Variants in PCGF5 observed in about 807,000 individuals in gnomAD.
The protein encoded by PCGF5 is polycomb group RING finger protein 5.
PCGF5 carries 9 observed loss-of-function variants against 44.3 expected under a neutral mutation model. That is an observed-to-expected ratio of 0.20 (90% CI 0.12 to 0.35). The LOEUF (loss-of-function observed/expected upper bound fraction) is 0.35, where lower values mean the gene tolerates loss of function less well. Ranked by LOEUF, PCGF5 falls within the 10% of genes least tolerant of loss-of-function variation. The pLI is 1.00. For missense variants in PCGF5, 146 were observed against 305.3 expected (o/e 0.48, Z 3.89); for synonymous variants, 95 against 102.5 (o/e 0.93, Z 0.44).
rs77229469 is a variant in PCGF5, at chr10:91,227,587, C to T, written c.112+4604C>T. On this transcript the variant is annotated intron_variant, in intron 2 of 9. Transcript: ENST00000336126. ...TCATTCAGATTCTTATTACATCTCA[C>T]CAAAGCCACTGCAGCACATTCTTAA... is the stretch of plus-strand genomic sequence containing the variant. 2,869 of 1,173,110 alleles carry T rather than the reference C, an allele frequency of 2.4e-3. 68 individuals are homozygous for T. The African/African-American group carries it at 0.042, about 17-fold the overall frequency. The allele number at this position is 1,173,110 out of a possible 1,614,324, so 72.7% of individuals were successfully genotyped here.
Position 91,197,884 on chromosome 10 carries a change from C to G in PCGF5, c.-183-24805C>G, listed in dbSNP as rs138729652. 4.3e-3 allele frequency among the ~76,000 whole-genome samples: 659 copies of G among 152,266 alleles called. 7 individuals are homozygous for G. Among genetic ancestry groups the G allele is most frequent in the African/African-American group, 0.014 (562 of 41,550 alleles). On this transcript the variant is annotated intron_variant, in intron 1 of 9. Coordinates refer to the PCGF5 transcript ENST00000614189. ...GAAATAGAAACAAGATTTTCTTTGT[C>G]TGGATTCATTTTGCCATTTAGGAAA...
intron 2 of PCGF5, among the ~76,000 whole-genome samples, chr10:91,235,933 A>C (rs1845150508): frequency 6.6e-6 from 1 of 151,846 alleles, no homozygotes; most frequent in Non-Finnish European, 1.5e-5. Context: ...GTGAAAACAG[A>C]CTAATACAGT....
intron 1 of PCGF5, among the ~76,000 whole-genome samples, chr10:91,190,652 G>T (rs1409503983): frequency 6.6e-6 from 1 of 152,110 alleles, no homozygotes; most frequent in Non-Finnish European, 1.5e-5. Context: ...TCATTCTCTG[G>T]ATGTTGCCTA....
At chr10:91,200,558 A>G (rs1259119315) in intron 1 of PCGF5, among the ~76,000 whole-genome samples, 1 of 152,186 alleles carries the variant, frequency 6.6e-6, no homozygotes, top group South Asian at 2.1e-4. Context: ...GTGCTGCTAT[A>G]AGGGACTGTG....
chr10:91,227,988 A>G, intron 2 of PCGF5: 1 of 920,840 alleles, frequency 1.1e-6, no homozygotes, highest in Non-Finnish European at 1.3e-6. Context: ...CCTTTCAAAG[A>G]TTCAAATGCA....
At chr10:91,227,596 C>A (rs1844880676) in intron 2 of PCGF5, 2 of 1,170,656 alleles carry the variant, frequency 1.7e-6, no homozygotes. Context: ...ACCAAAGCCA[C>A]TGCAGCACAT....
chr10:91,273,180 T>C (rs1258551994), intron 9 of PCGF5, among the ~76,000 whole-genome samples: 1 of 152,246 alleles, frequency 6.6e-6, no homozygotes, highest in African/African-American at 2.4e-5. Context: ...AAGATCATTC[T>C]TCTCTCTATG....
intron 1 of PCGF5, among the ~76,000 whole-genome samples, chr10:91,183,112 A>G (rs1195382818): frequency 6.6e-6 from 1 of 150,722 alleles, no homozygotes; most frequent in Non-Finnish European, 1.5e-5. Flanking sequence ...TGTTGTGTAT[A>G]TATTTGATCC....
intron 2 of PCGF5, among the ~76,000 whole-genome samples, chr10:91,235,189 C>T (rs565938399): frequency 6.6e-6 from 1 of 152,062 alleles, no homozygotes; most frequent in Non-Finnish European, 1.5e-5. Context: ...TGCGAATCTC[C>T]TAGATATTCT....
intron 2 of PCGF5, among the ~76,000 whole-genome samples, chr10:91,237,177 T>C (rs1045120894): frequency 6.6e-6 from 1 of 152,220 alleles, no homozygotes; most frequent in Non-Finnish European, 1.5e-5. Flanking sequence ...AAAGATTAGA[T>C]TATTAAATTG....
intron 1 of PCGF5, among the ~76,000 whole-genome samples, chr10:91,201,352 C>G (rs1398382224): frequency 1.3e-5 from 2 of 152,064 alleles, no homozygotes; most frequent in African/African-American, 4.8e-5. Context: ...CATGGTCCCC[C>G]CAGTGACATT....
intron 1 of PCGF5, among the ~76,000 whole-genome samples, chr10:91,193,245 C>G (rs923446461): frequency 6.6e-6 from 1 of 152,168 alleles, no homozygotes; most frequent in African/African-American, 2.4e-5. Context: ...AGATCCATCC[C>G]TAGAGCCTCC....
chr10:91,162,932 G>A (rs1439456587), upstream of PCGF5: 2 of 144,458 alleles, frequency 1.4e-5, no homozygotes, highest in Non-Finnish European at 3.1e-5. Context: ...CCGCCGGGCC[G>A]GCCCAGCCCC....
At chr10:91,197,378 G>T (rs950322390) in intron 1 of PCGF5, among the ~76,000 whole-genome samples, 1 of 152,172 alleles carries the variant, frequency 6.6e-6, no homozygotes, top group African/African-American at 2.4e-5. Flanking sequence ...TGGCTGCACA[G>T]ACGTATATCT....
intron 1 of PCGF5, among the ~76,000 whole-genome samples, chr10:91,222,308 G>A (rs185617989): frequency 4.0e-4 from 61 of 152,302 alleles, no homozygotes; most frequent in Admixed American, 1.6e-3. Context: ...GGTTAAAAAT[G>A]GAAATGGGGA....
chr10:91,251,461 G>T, intron 6 of PCGF5, 21 bp downstream of exon 6: 1 of 1,602,392 alleles, frequency 6.2e-7, no homozygotes, highest in Admixed American at 1.7e-5. Context: ...AAGTACTATG[G>T]TATTTTTATG....
At chr10:91,218,575 C>G (rs1844591332), upstream of PCGF5, among the ~76,000 whole-genome samples, 1 of 152,180 alleles carries the variant, frequency 6.6e-6, no homozygotes. Flanking sequence ...ATACACATCA[C>G]ACAGGAAAGT....
chr10:91,272,335 T>C (rs1437691539), intron 9 of PCGF5, among the ~76,000 whole-genome samples: 1 of 152,180 alleles, frequency 6.6e-6, no homozygotes, highest in Non-Finnish European at 1.5e-5. Flanking sequence ...GAATTAATCA[T>C]ACCATTTCTT....
At chr10:91,227,668 T>A in intron 2 of PCGF5, 6 of 1,073,170 alleles carry the variant, frequency 5.6e-6, no homozygotes, top group Non-Finnish European at 5.7e-6. Flanking sequence ...ATTATCACTC[T>A]TAACCCACCC....
Sources: allele counts gnomAD v4.1 joint callset (sites outside exome capture counted in the v4.1 genomes callset), GRCh38; gene constraint gnomAD v4.1.1; transcripts MANE v1.5; gene names NCBI Gene and HGNC (gene_info 2026-07-23, HGNC 2026-07-21).